Variants in MPHOSPH8 observed in about 807,000 individuals in gnomAD.
MPHOSPH8 encodes the protein M-phase phosphoprotein 8.
Under a neutral mutation model 87.3 loss-of-function variants are expected in MPHOSPH8, and 45 were observed. That is an observed-to-expected ratio of 0.52 (90% CI 0.41 to 0.66). MPHOSPH8 has a LOEUF of 0.66. Among genes scored for constraint, MPHOSPH8 ranks in the 30% least tolerant of loss-of-function variants. The pLI is 0.00. For missense variants in MPHOSPH8, 883 were observed against 1,020.2 expected, an observed-to-expected ratio of 0.87 and a Z score of 1.83; for synonymous variants, 366 against 376.9, an observed-to-expected ratio of 0.97 and a Z score of 0.33.
rs928465585 is a variant in MPHOSPH8, at chr13:19,671,276, C to T, written c.2528C>T (p.Ala843Val). Residue 843 changes from alanine to valine, a missense_variant, in exon 13 of 14, where the codon GCA (alanine) becomes GTA (valine). This residue lies in a region of MPHOSPH8 where 741 missense variants were observed against 841.5 expected (regional missense o/e 0.88). Transcript: ENST00000361479. The stretch of plus-strand genomic sequence containing the variant: ...AAACTCTTCATAAGGTTGACAGAAG[C>T]ACCCTCTGCCAAGGTGACAGTCCTT... ...PNKLFIRLTEAPSAKVKLLIG... is the reference protein window; with the variant it reads ...PNKLFIRLTEVPSAKVKLLIG... 2 of 1,612,660 alleles carry T rather than the reference C, an allele frequency of 1.2e-6. No homozygotes were observed. Among genetic ancestry groups the T allele is most frequent in the Non-Finnish European group, 1.7e-6 (2 of 1,178,734 alleles).
chr13:19,666,912 A>C (rs1395023573), intron 10 of MPHOSPH8, among the ~76,000 whole-genome samples: 1 of 152,180 alleles, frequency 6.6e-6, no homozygotes, highest in Non-Finnish European at 1.5e-5. Context: ...TTGTAATCCT[A>C]GTACTTTGGG....
At chr13:19,649,087 C>G (rs1398948339) in intron 4 of MPHOSPH8, among the ~76,000 whole-genome samples, 2 of 152,130 alleles carry the variant, frequency 1.3e-5, no homozygotes, top group East Asian at 1.9e-4. Flanking sequence ...TTTTTCTAAG[C>G]CTAGGCTGGT....
intron 7 of MPHOSPH8, chr13:19,661,231 G>A (rs1314753580): frequency 6.5e-6 from 1 of 152,836 alleles, no homozygotes; most frequent in Non-Finnish European, 1.5e-5. Flanking sequence ...TAAAATTTAG[G>A]TTTACACTAT....
At chr13:19,639,299 C>T (rs1874164656) in intron 1 of MPHOSPH8, among the ~76,000 whole-genome samples, 1 of 150,478 alleles carries the variant, frequency 6.6e-6, no homozygotes, top group Admixed American at 6.7e-5. Context: ...TTGAGATTAG[C>T]CTCTGGAATG....
At chr13:19,634,409 A>G (rs999344732) in intron 1 of MPHOSPH8, among the ~76,000 whole-genome samples, 1 of 152,144 alleles carries the variant, frequency 6.6e-6, no homozygotes, top group African/African-American at 2.4e-5. Flanking sequence ...GTAAAATCTC[A>G]ATCTTACCCA....
chr13:19,645,078 G>A (rs1185714633), intron 2 of MPHOSPH8, among the ~76,000 whole-genome samples: 2 of 152,086 alleles, frequency 1.3e-5, no homozygotes, highest in African/African-American at 4.8e-5. Context: ...TGGAAGTCCT[G>A]AGGAGAGCTT....
At chr13:19,668,255 G>A (rs949307164) in intron 10 of MPHOSPH8, 122 bp from the exon 11 acceptor site, 26 of 766,340 alleles carry the variant, frequency 3.4e-5, no homozygotes, top group Admixed American at 5.6e-5. Flanking sequence ...GCTGGAAAGC[G>A]GAGGCAGGCA....
chr13:19,663,479 G>A (rs372075465), intron 9 of MPHOSPH8, among the ~76,000 whole-genome samples: 5 of 152,342 alleles, frequency 3.3e-5, no homozygotes, highest in African/African-American at 9.6e-5. Flanking sequence ...GGCCGCAGCT[G>A]GAGCAGCAGG....
intron 4 of MPHOSPH8, 29 bp downstream of exon 4, chr13:19,648,550 T>G: frequency 8.6e-7 from 1 of 1,165,204 alleles, no homozygotes. Context: ...GTTTTGCCAT[T>G]TACGTTGCTA....
chr13:19,655,891 C>G (rs979367794), intron 5 of MPHOSPH8, among the ~76,000 whole-genome samples: 25 of 152,066 alleles, frequency 1.6e-4, no homozygotes, highest in Admixed American at 1.3e-4. Flanking sequence ...CCAAGCAGAT[C>G]GCTTGAGCTC....
At chr13:19,669,176 C>CT (rs1456321552) in intron 11 of MPHOSPH8, among the ~76,000 whole-genome samples, 3 of 152,126 alleles carry the variant, frequency 2.0e-5, no homozygotes, top group Non-Finnish European at 4.4e-5. Flanking sequence ...GTTGAGAGAA[C>CT]TTATCAGGTG....
At chr13:19,668,077 C>A (rs780562298) in intron 10 of MPHOSPH8, among the ~76,000 whole-genome samples, 10 of 152,206 alleles carry the variant, frequency 6.6e-5, no homozygotes, top group Non-Finnish European at 1.5e-4. Flanking sequence ...TCCACTGATT[C>A]ATTAGACAAC....
chr13:19,633,807 G>T lies in MPHOSPH8; in HGVS notation c.59G>T (p.Ser20Ile), dbSNP rs775360707. The T allele has an allele frequency of 6.8e-6, 11 of 1,609,662 alleles. No individual in the cohort carries two copies. The highest frequency in any genetic ancestry group is 8.5e-6 in the Non-Finnish European group (10 of 1,178,354). ...GCAGTCCCTGTGTCAGCTGCCGACA[G>T]CACTGAGGAGTTGGCCGAAGTCGAA... ...VTAVPVSAAD[S>I]TEELAEVEEG... Residue 20 changes from serine to isoleucine, a missense_variant, in exon 1 of 14, where the codon AGC becomes ATC. Coordinates refer to ENST00000361479, the MANE Select transcript of MPHOSPH8 (RefSeq NM_017520.4).
chr13:19,635,534 A>C (rs1354173288), intron 1 of MPHOSPH8, among the ~76,000 whole-genome samples: 2 of 152,144 alleles, frequency 1.3e-5, no homozygotes, highest in Non-Finnish European at 2.9e-5. Context: ...TCTCAAAAAA[A>C]ATAATAATAA....
At chr13:19,655,282 C>G (rs530238816) in intron 5 of MPHOSPH8, among the ~76,000 whole-genome samples, 1 of 151,992 alleles carries the variant, frequency 6.6e-6, no homozygotes, top group Non-Finnish European at 1.5e-5. Flanking sequence ...CAAGACTAGC[C>G]TGGGAAAACA....
intron 12 of MPHOSPH8, 73 bp from the exon 13 acceptor site, chr13:19,671,133 A>G: frequency 6.4e-7 from 1 of 1,555,492 alleles, no homozygotes; most frequent in Non-Finnish European, 8.6e-7. Context: ...TGATTCTTTT[A>G]CATCATTGGT....
chr13:19,664,335 T>C (rs563529894), intron 9 of MPHOSPH8, among the ~76,000 whole-genome samples: 48 of 151,996 alleles, frequency 3.2e-4, no homozygotes, highest in Non-Finnish European at 5.0e-4. Flanking sequence ...GCAAGCATCA[T>C]CTTAGTGACA....
intron 12 of MPHOSPH8, chr13:19,670,827 T>C: frequency 8.3e-7 from 1 of 1,211,656 alleles, no homozygotes; most frequent in Non-Finnish European, 1.1e-6. Context: ...TCACTTTTTT[T>C]TTTTTTTTGA....
chr13:19,638,055 C>T (rs1016109555), intron 1 of MPHOSPH8, among the ~76,000 whole-genome samples: 32 of 150,368 alleles, frequency 2.1e-4, no homozygotes, highest in Non-Finnish European at 3.4e-4. Context: ...GAGCAGAGAT[C>T]GTGCCACTGC....
Sources: gnomAD v4.1 joint callset for allele counts (sites outside exome capture counted in the v4.1 genomes callset) on GRCh38, gnomAD v4.1.1 for gene constraint, gnomAD v4.1.1 regional missense constraint, MANE v1.5 for transcripts, NCBI Gene and HGNC (gene_info 2026-07-23, HGNC 2026-07-21) for gene names.